MINDY4: variants seen among roughly 807,000 people sequenced by gnomAD.
The protein encoded by MINDY4 is MINDY lysine 48 deubiquitinase 4.
Under a neutral mutation model 87.0 loss-of-function variants are expected in MINDY4, and 68 were observed. The observed-to-expected ratio is 0.78, with a 90% confidence interval of 0.64 to 0.96. The LOEUF (loss-of-function observed/expected upper bound fraction) is 0.96. MINDY4 is among the 40% of genes least tolerant of loss of function. The pLI, the probability that MINDY4 is intolerant of heterozygous loss-of-function variation, is 0.00. For missense variants in MINDY4, 919 were observed against 928.2 expected (o/e 0.99, Z 0.13); for synonymous variants, 379 against 363.2 (o/e 1.04, Z -0.50).
Position 30,838,557 on chromosome 7 carries a change from C to T in MINDY4, c.1240-643C>T, listed in dbSNP as rs184432922. On this transcript the variant is annotated intron_variant, in intron 7 of 17. Coordinates refer to ENST00000265299, the MANE Select transcript of MINDY4 (RefSeq NM_032222.3). The stretch of plus-strand genomic sequence containing the variant: ...CTTTGCCATCATGGTATGAACACAG[C>T]CATGGGTGGTATGGAAACAAATGGG... 3.3e-5 allele frequency among the ~76,000 whole-genome samples: 5 copies of T among 152,250 alleles called. No homozygotes were observed. The East Asian group carries it at 9.7e-4, about 29-fold the overall frequency.
chr7:30,876,081 A>G (rs983096043), intron 15 of MINDY4, among the ~76,000 whole-genome samples: 1 of 152,080 alleles, frequency 6.6e-6, no homozygotes, highest in African/African-American at 2.4e-5. Context: ...ACAGTTCTGG[A>G]GGCTGGAAGT....
chr7:30,839,814 A>G (rs1584299006), intron 8 of MINDY4, among the ~76,000 whole-genome samples: 1 of 152,194 alleles, frequency 6.6e-6, no homozygotes, highest in East Asian at 1.9e-4. Flanking sequence ...GAAGAGAAGG[A>G]TGTAATAGAA....
intron 1 of MINDY4, among the ~76,000 whole-genome samples, chr7:30,774,580 C>G (rs1168439864): frequency 3.3e-5 from 5 of 152,098 alleles, no homozygotes; most frequent in Non-Finnish European, 5.9e-5. Context: ...TCTGCTTTCT[C>G]GAACCCATTT....
chr7:30,860,619 C>T (rs1584327704), intron 13 of MINDY4, among the ~76,000 whole-genome samples: 1 of 152,060 alleles, frequency 6.6e-6, no homozygotes, highest in African/African-American at 2.4e-5. Flanking sequence ...TCAGCGCCCC[C>T]ATCCATGCGG....
At chr7:30,827,478 A>G (rs1788548230) in intron 5 of MINDY4, among the ~76,000 whole-genome samples, 1 of 152,076 alleles carries the variant, frequency 6.6e-6, no homozygotes, top group Admixed American at 6.6e-5. Context: ...CCCCTTCCAC[A>G]TCCCTCTAAC....
At chr7:30,844,204 T>A (rs1361947602) in intron 9 of MINDY4, among the ~76,000 whole-genome samples, 1 of 152,036 alleles carries the variant, frequency 6.6e-6, no homozygotes, top group East Asian at 1.9e-4. Context: ...CCCACAGACC[T>A]CCTAGCAGGC....
chr7:30,826,050 T>G (rs767972509), intron 5 of MINDY4, among the ~76,000 whole-genome samples: 8 of 152,216 alleles, frequency 5.3e-5, no homozygotes, highest in Non-Finnish European at 7.3e-5. Flanking sequence ...CAATCTCTGC[T>G]TCCATGTTCA....
rs974911793 is a variant in MINDY4, at chr7:30,859,285, T to A, written c.1706T>A (p.Leu569Gln). The A allele has an allele frequency of 1.2e-6, 2 of 1,614,202 alleles. No individual in the cohort carries two copies. Among genetic ancestry groups the A allele is most frequent in the African/African-American group, 1.3e-5 (1 of 75,044 alleles). ...QFEVGPYGCI[L>Q]LTLSAILSRS... ...GAAGTGGGCCCCTATGGCTGCATCCTGCTCACCCTTTCTGCCATCCTGTCC... is the reference window on the plus strand; with the variant it reads ...GAAGTGGGCCCCTATGGCTGCATCCAGCTCACCCTTTCTGCCATCCTGTCC... The change falls in exon 13 of 18, where the codon CTG becomes CAG. Residue 569 changes from leucine (L) to glutamine (Q), a missense_variant. Leu to Gln is a moderately radical substitution (Grantham distance 113). Coordinates refer to ENST00000265299, the MANE Select transcript of MINDY4 (RefSeq NM_032222.3).
At chr7:30,869,189 C>G (rs2128577525) in intron 13 of MINDY4, among the ~76,000 whole-genome samples, 1 of 152,288 alleles carries the variant, frequency 6.6e-6, no homozygotes, top group African/African-American at 2.4e-5. Context: ...GAGACAGCTG[C>G]TCATTAGACT....
At chr7:30,885,293 G>C (rs1040931484) in intron 17 of MINDY4, among the ~76,000 whole-genome samples, 1 of 152,150 alleles carries the variant, frequency 6.6e-6, no homozygotes, top group African/African-American at 2.4e-5. Flanking sequence ...GCCGAGACGG[G>C]CAGATCACCT....
intron 13 of MINDY4, among the ~76,000 whole-genome samples, chr7:30,870,323 G>C (rs1165960565): frequency 1.3e-5 from 2 of 152,338 alleles, no homozygotes; most frequent in Non-Finnish European, 2.9e-5. Flanking sequence ...ACCCTTTTGA[G>C]GTTATTTTCT....
At chr7:30,876,043 C>T (rs938106053) in intron 15 of MINDY4, among the ~76,000 whole-genome samples, 1 of 152,106 alleles carries the variant, frequency 6.6e-6, no homozygotes, top group Non-Finnish European at 1.5e-5. Flanking sequence ...GACTGGGTGG[C>T]TTGAAACAAC....
At chr7:30,878,144 C>T (rs1270551431) in intron 15 of MINDY4, among the ~76,000 whole-genome samples, 1 of 152,090 alleles carries the variant, frequency 6.6e-6, no homozygotes, top group African/African-American at 2.4e-5. Flanking sequence ...GCCTGGCCCT[C>T]TCCTCAGGCA....
intron 16 of MINDY4, 112 bp downstream of exon 16, chr7:30,882,473 C>A: frequency 2.1e-6 from 2 of 944,520 alleles, no homozygotes; most frequent in Non-Finnish European, 3.0e-6. Flanking sequence ...GAGAGCAGTG[C>A]AGACTCCAGC....
intron 5 of MINDY4, chr7:30,803,441 G>A (rs563227411): frequency 6.6e-6 from 1 of 152,322 alleles, no homozygotes; most frequent in Admixed American, 6.5e-5. Context: ...CACAGAAAAA[G>A]TCAACTAAAA....
At chr7:30,819,947 G>T (rs1285124282) in intron 5 of MINDY4, among the ~76,000 whole-genome samples, 7 of 137,614 alleles carry the variant, frequency 5.1e-5, no homozygotes, top group Admixed American at 4.5e-4. Flanking sequence ...TGTCGCCCAG[G>T]CTGGAGTGCA....
intron 5 of MINDY4, among the ~76,000 whole-genome samples, chr7:30,802,369 A>C (rs1787679871): frequency 6.6e-6 from 1 of 152,014 alleles, no homozygotes; most frequent in Non-Finnish European, 1.5e-5. Context: ...AGGCTTCTTG[A>C]TTATCTCACC....
intron 17 of MINDY4, among the ~76,000 whole-genome samples, chr7:30,885,650 T>C (rs1323603425): frequency 6.6e-6 from 1 of 152,144 alleles, no homozygotes; most frequent in East Asian, 1.9e-4. Flanking sequence ...CCTCCAGTGA[T>C]GCTGATGCTG....
chr7:30,833,690 A>G (rs1178622327), intron 6 of MINDY4, among the ~76,000 whole-genome samples: 1 of 152,254 alleles, frequency 6.6e-6, no homozygotes, highest in Non-Finnish European at 1.5e-5. Flanking sequence ...GAGACAAGGC[A>G]AGTCCCTTCC....
Sources: gnomAD v4.1 joint callset for allele counts (sites outside exome capture counted in the v4.1 genomes callset) on GRCh38, gnomAD v4.1.1 for gene constraint, MANE v1.5 for transcripts, NCBI Gene and HGNC (gene_info 2026-07-23, HGNC 2026-07-21) for gene names.